The following GNG7 variants were observed in gnomAD, a reference collection of about 807,000 sequenced individuals.
The protein encoded by GNG7 is G protein subunit gamma 7.
GNG7 carries 1 observed loss-of-function variant against 4.0 expected under a neutral mutation model. That is an observed-to-expected ratio of 0.25 (90% CI 0.09 to 1.18). The LOEUF (loss-of-function observed/expected upper bound fraction) is 1.18. GNG7 is among the 50% of genes most tolerant of loss of function. The pLI, the probability that GNG7 is intolerant of heterozygous loss-of-function variation, is 0.50. For missense variants in GNG7, 86 were observed against 91.9 expected (o/e 0.94, Z 0.26); for synonymous variants, 34 against 36.9 (o/e 0.92, Z 0.29).
At chr19:2,566,072 C>T (rs1274493885) in intron 2 of GNG7, among the ~76,000 whole-genome samples, 1 of 152,024 alleles carries the variant, frequency 6.6e-6, no homozygotes, top group Non-Finnish European at 1.5e-5. Flanking sequence ...GCAGGAGAAT[C>T]GCTTGAACCT....
intron 2 of GNG7, among the ~76,000 whole-genome samples, chr19:2,641,536 G>A (rs546149811): frequency 1.3e-5 from 2 of 152,136 alleles, no homozygotes; most frequent in Non-Finnish European, 2.9e-5. Context: ...AGGGATGTGG[G>A]TGCCTCTAGA....
At chr19:2,610,030 TCA>T (rs1981510909) in intron 2 of GNG7, 1 of 151,830 alleles carries the variant, frequency 6.6e-6, no homozygotes, top group East Asian at 1.9e-4. Flanking sequence ...CCCTAAACTC[TCA>T]GAGGTTAGTA....
intron 3 of GNG7, among the ~76,000 whole-genome samples, chr19:2,535,844 G>C (rs1327308881): frequency 1.3e-5 from 2 of 152,060 alleles, no homozygotes; most frequent in Non-Finnish European, 2.9e-5. Flanking sequence ...TGAAATCCTG[G>C]GCCAGGTGTG....
intron 2 of GNG7, chr19:2,610,436 C>T (rs966906142): frequency 6.6e-6 from 1 of 151,984 alleles, no homozygotes; most frequent in African/African-American, 2.4e-5. Flanking sequence ...CAACCTCTGC[C>T]TCCTGGGTTC....
intron 1 of GNG7, among the ~76,000 whole-genome samples, chr19:2,696,492 G>A (rs1003791354): frequency 6.6e-6 from 1 of 152,244 alleles, no homozygotes; most frequent in African/African-American, 2.4e-5. Context: ...GCAGTGGACT[G>A]CCTGTGCCCA....
At chr19:2,608,333 C>T (rs569903451) in intron 2 of GNG7, among the ~76,000 whole-genome samples, 28 of 152,186 alleles carry the variant, frequency 1.8e-4, no homozygotes, top group African/African-American at 5.1e-4. Context: ...AAAAAAAGTC[C>T]CCGAAGCCCC....
intron 3 of GNG7, among the ~76,000 whole-genome samples, chr19:2,544,087 T>C (rs1979049403): frequency 6.6e-6 from 1 of 151,828 alleles, no homozygotes; most frequent in African/African-American, 2.4e-5. Flanking sequence ...GGGGAGACAA[T>C]GCTTGGAGTG....
Position 2,574,110 on chromosome 19 carries a change from C to T in GNG7, c.-77-18922G>A, listed in dbSNP as rs116597680. Among the ~76,000 whole-genome samples, 428 of 152,272 alleles carry T rather than the reference C, an allele frequency of 2.8e-3. 3 individuals are homozygous for T. Among genetic ancestry groups the T allele is most frequent in the African/African-American group, 9.8e-3 (407 of 41,542 alleles). ...CCGTCACACCTGGGCTGGTGCAGTC[C>T]AGGTGAAACCCGCCCTGCCAGCCAC... is the stretch of plus-strand genomic sequence containing the variant. On this transcript the variant is annotated intron_variant, in intron 2 of 4. Transcript: ENST00000382159.
chr19:2,605,048 C>T (rs7250204), intron 2 of GNG7, among the ~76,000 whole-genome samples: 24,180 of 152,132 alleles, frequency 0.16, 3,469 homozygotes, highest in African/African-American at 0.38. Context: ...TGGGCAAGGC[C>T]GTGCTCCCTC....
At chr19:2,685,449 C>A (rs540501795) in intron 1 of GNG7, among the ~76,000 whole-genome samples, 1 of 152,138 alleles carries the variant, frequency 6.6e-6, no homozygotes, top group South Asian at 2.1e-4. Flanking sequence ...TATAGCAAGA[C>A]CCCATCTCTA....
rs544814433 is a variant in GNG7, at chr19:2,544,470, C to T, written c.-38+10679G>A. On this transcript the variant is annotated intron_variant, in intron 3 of 4. Coordinates refer to ENST00000382159, the MANE Select transcript of GNG7 (RefSeq NM_052847.3). ...CGCGATCTCGGCTCACTGCAACCTC[C>T]GCCTCCCGGGTTCAGGAGATTCTCC... Among the ~76,000 whole-genome samples the T allele has an allele frequency of 4.3e-4, 66 of 152,212 alleles. 1 individual carries two copies. The highest frequency in any genetic ancestry group is 1.5e-3 in the African/African-American group (62 of 41,534).
chr19:2,603,567 A>G (rs1340060988), intron 2 of GNG7, among the ~76,000 whole-genome samples: 1 of 152,208 alleles, frequency 6.6e-6, no homozygotes, highest in Non-Finnish European at 1.5e-5. Context: ...AGGGCTGTGT[A>G]TTCACAGCCT....
rs1031137724 is a variant in GNG7, at chr19:2,626,861, C to T, written c.-78+19363G>A. Among the ~76,000 whole-genome samples, 1 of 151,960 alleles carries T rather than the reference C, an allele frequency of 6.6e-6. No homozygotes were observed. On this transcript the variant is annotated intron_variant, in intron 2 of 4. Coordinates refer to ENST00000382159, the MANE Select transcript of GNG7 (RefSeq NM_052847.3). The surrounding 1 kb of genome is among the most constrained non-coding windows in gnomAD (Gnocchi z 5.0). The stretch of plus-strand genomic sequence containing the variant: ...GCCAGGGATGCTGCTCAGCACCCTG[C>T]AGTGCCCAGGACGGCCTCACCCCAG...
At chr19:2,527,985 A>C (rs373276343) in intron 3 of GNG7, among the ~76,000 whole-genome samples, 7 of 152,228 alleles carry the variant, frequency 4.6e-5, no homozygotes, top group African/African-American at 1.7e-4. Flanking sequence ...GAATGAAAAT[A>C]TGCTAGGCGT....
At chr19:2,607,212 C>A (rs1208122977) in intron 2 of GNG7, among the ~76,000 whole-genome samples, 21 of 71,980 alleles carry the variant, frequency 2.9e-4, no homozygotes, top group Non-Finnish European at 3.4e-5. Flanking sequence ...CAGAGCAAGA[C>A]CCTGTGTCAA....
At chr19:2,620,311 C>A (rs5024548) in intron 2 of GNG7, among the ~76,000 whole-genome samples, 1 of 150,126 alleles carries the variant, frequency 6.7e-6, no homozygotes, top group African/African-American at 2.5e-5. Flanking sequence ...CCCCTGCACC[C>A]TGGCTACAGG....
At chr19:2,681,325 A>C (rs1042323254) in intron 1 of GNG7, among the ~76,000 whole-genome samples, 1 of 152,150 alleles carries the variant, frequency 6.6e-6, no homozygotes, top group Non-Finnish European at 1.5e-5. Context: ...CTGGGACTAC[A>C]GGCGCCCGCC....
At chr19:2,641,757 G>C (rs1028498281) in intron 2 of GNG7, 1 of 152,030 alleles carries the variant, frequency 6.6e-6, no homozygotes, top group African/African-American at 2.4e-5. Context: ...CGCCTCCCGG[G>C]CTCAAGCGAT....
At chr19:2,656,816 G>C (rs546896552) in intron 1 of GNG7, among the ~76,000 whole-genome samples, 15 of 152,264 alleles carry the variant, frequency 9.9e-5, no homozygotes, top group Non-Finnish European at 1.9e-4. Flanking sequence ...ATTTACCTCC[G>C]GCCCTTTAGG....
Sources: gnomAD v4.1 joint callset for allele counts (sites outside exome capture counted in the v4.1 genomes callset) on GRCh38, gnomAD v4.1.1 for gene constraint, Gnocchi (gnomAD v3.1) non-coding constraint, MANE v1.5 for transcripts, NCBI Gene and HGNC (gene_info 2026-07-23, HGNC 2026-07-21) for gene names.